Variants in OTUD7B observed in about 807,000 individuals in gnomAD.
OTUD7B encodes the protein OTU deubiquitinase 7B.
OTUD7B carries 34 observed loss-of-function variants against 82.2 expected under a neutral mutation model. The ratio of observed to expected loss-of-function variants is 0.41; its 90% CI spans 0.31 to 0.55. OTUD7B has a LOEUF of 0.55. Among genes scored for constraint, OTUD7B ranks in the 20% least tolerant of loss-of-function variants. OTUD7B has a pLI of 0.20. For missense variants in OTUD7B, 944 were observed against 1,062.1 expected, an observed-to-expected ratio of 0.89 and a Z score of 1.55; for synonymous variants, 398 against 402.7, an observed-to-expected ratio of 0.99 and a Z score of 0.14.
At position 149,942,097 on chromosome 1, in the gene OTUD7B, C is replaced by T. The variant is rs1647297835; in HGVS notation, c.*1760G>A. The T allele has an allele frequency of 6.6e-6, 1 of 152,592 alleles. No homozygotes were observed. Among genetic ancestry groups the T allele is most frequent in the South Asian group, 2.1e-4 (1 of 4,834 alleles). The allele number at this position is 152,592 out of a possible 1,614,324, so 9.5% of individuals were successfully genotyped here. ...ACTGGCTACCGAGGAGGAAAACACA[C>T]ACACATATGCACGCACGCACATGCA... On this transcript the variant is annotated 3_prime_UTR_variant, in exon 12 of 12. Transcript: ENST00000581312.
At chr1:150,053,289 A>C in the OTUD7B span, among the ~76,000 whole-genome samples, 2 of 152,212 alleles carry the variant, frequency 1.3e-5, no homozygotes, top group African/African-American at 4.8e-5. Context: ...CATCTGACAA[A>C]GGTCTAATAT....
At chr1:149,951,142 C>T (rs1170460964) in intron 7 of OTUD7B, among the ~76,000 whole-genome samples, 1 of 151,956 alleles carries the variant, frequency 6.6e-6, no homozygotes, top group African/African-American at 2.4e-5. Context: ...ACCACCATGC[C>T]TGGCTAATTT....
intron 11 of OTUD7B, among the ~76,000 whole-genome samples, chr1:149,946,258 G>A (rs1553772065): frequency 6.6e-6 from 1 of 151,628 alleles, no homozygotes; most frequent in Non-Finnish European, 1.5e-5. Context: ...AGCTACTCGG[G>A]AGGCTGAGGC....
chr1:149,951,985 C>G (rs114599517), intron 7 of OTUD7B, among the ~76,000 whole-genome samples: 4 of 151,828 alleles, frequency 2.6e-5, no homozygotes, highest in Non-Finnish European at 4.4e-5. Flanking sequence ...CCTGCACTTT[C>G]AGGAATGCAC....
intron 1 of OTUD7B, among the ~76,000 whole-genome samples, 197 bp downstream of exon 1, chr1:150,010,251 G>A (rs1405758380): frequency 6.6e-6 from 1 of 152,116 alleles, no homozygotes. Context: ...CAGGTGAAAG[G>A]GAGGAGGAAA....
the OTUD7B span, among the ~76,000 whole-genome samples, chr1:150,026,426 T>C: frequency 6.6e-6 from 1 of 152,234 alleles, no homozygotes; most frequent in Non-Finnish European, 1.5e-5. Flanking sequence ...GAGAGAATGG[T>C]TCTCTCCTTC....
Position 149,949,710 on chromosome 1 carries a change from A to T in OTUD7B, c.1042T>A (p.Ser348Thr), listed in dbSNP as rs781968829. ...LEVPASQCHR[S>T]PLVLAYDQAH... The stretch of plus-strand genomic sequence containing the variant: ...TGATCATAGGCGAGCACCAGAGGGG[A>T]GCGGTGACACTGGCTGGCTGGGACC... The change falls in exon 9 of 12, where the codon TCC (serine) becomes ACC (threonine). Residue 348 changes from serine (S) to threonine (T), a missense_variant. Coordinates refer to ENST00000581312, the MANE Select transcript of OTUD7B (RefSeq NM_020205.4). 4 of 1,614,116 alleles carry T rather than the reference A, an allele frequency of 2.5e-6. No individual in the cohort carries two copies. The South Asian group carries it at 3.3e-5, about 13-fold the overall frequency.
At chr1:149,979,480 T>C (rs1269240305) in intron 1 of OTUD7B, among the ~76,000 whole-genome samples, 3 of 152,184 alleles carry the variant, frequency 2.0e-5, no homozygotes, top group African/African-American at 7.2e-5. Context: ...ACTCATAAGA[T>C]ACTTTCAAGG....
chr1:149,948,847 C>T, intron 10 of OTUD7B, 122 bp downstream of exon 10: 1 of 669,474 alleles, frequency 1.5e-6, no homozygotes. Flanking sequence ...TCCCCATCTT[C>T]CCAAAACTCA....
At chr1:150,051,194 A>C in the OTUD7B span, among the ~76,000 whole-genome samples, 2 of 133,950 alleles carry the variant, frequency 1.5e-5, no homozygotes, top group Non-Finnish European at 3.0e-5. Flanking sequence ...GCGCCATTGC[A>C]CTCCAACCTG....
At chr1:150,050,082 T>C in the OTUD7B span, among the ~76,000 whole-genome samples, 2 of 151,900 alleles carry the variant, frequency 1.3e-5, no homozygotes, top group Non-Finnish European at 2.9e-5. Flanking sequence ...AGGCATGGTG[T>C]TACGTGCCAG....
intron 2 of OTUD7B, among the ~76,000 whole-genome samples, chr1:149,975,052 C>G (rs1405554778): frequency 2.0e-5 from 3 of 152,066 alleles, no homozygotes; most frequent in Non-Finnish European, 4.4e-5. Context: ...CACTTTTGCA[C>G]CATTCTTACT....
At chr1:150,012,882 G>C (rs1653140720), upstream of OTUD7B, among the ~76,000 whole-genome samples, 1 of 152,072 alleles carries the variant, frequency 6.6e-6, no homozygotes, top group Non-Finnish European at 1.5e-5. Flanking sequence ...TGGTCAGCTG[G>C]GCTGGGAGCC....
At chr1:150,009,083 A>G (rs1257964815) in intron 1 of OTUD7B, among the ~76,000 whole-genome samples, 1 of 152,254 alleles carries the variant, frequency 6.6e-6, no homozygotes, top group Admixed American at 6.5e-5. Flanking sequence ...TTGAAAAACA[A>G]TGAAGACAAA....
rs587711028 is a variant in OTUD7B at position 149,998,744 on chromosome 1, T to C, written c.-67+11704A>G. 3.5e-4 allele frequency among the ~76,000 whole-genome samples: 54 copies of C among 152,360 alleles called. 1 individual carries two copies. The South Asian group carries it at 0.011, about 32-fold the overall frequency. On this transcript the variant is annotated intron_variant, in intron 1 of 11. Transcript: ENST00000581312. ...TTAATGACTTTGACTGTTTCTATAATATACTGGAAGCCTAACTTTTCAGAG... is the reference window on the plus strand; with the variant it reads ...TTAATGACTTTGACTGTTTCTATAACATACTGGAAGCCTAACTTTTCAGAG...
intron 11 of OTUD7B, among the ~76,000 whole-genome samples, chr1:149,947,049 T>C (rs1647811614): frequency 6.6e-6 from 1 of 152,144 alleles, no homozygotes; most frequent in East Asian, 1.9e-4. Context: ...CAAGACTCCA[T>C]CTCAAAAATA....
the OTUD7B span, among the ~76,000 whole-genome samples, chr1:150,058,220 TA>T: frequency 6.6e-6 from 1 of 152,246 alleles, no homozygotes; most frequent in Admixed American, 6.5e-5. Flanking sequence ...TGGAGCTAGT[TA>T]AAAACAAAGG....
intron 7 of OTUD7B, among the ~76,000 whole-genome samples, chr1:149,954,692 T>C (rs1219807570): frequency 2.0e-5 from 3 of 152,126 alleles, no homozygotes; most frequent in Non-Finnish European, 2.9e-5. Flanking sequence ...TTTTTATGGT[T>C]GGTATGCTAT....
intron 1 of OTUD7B, among the ~76,000 whole-genome samples, chr1:150,003,247 C>CG: frequency 1.0e-5 from 1 of 98,088 alleles, no homozygotes; most frequent in Non-Finnish European, 2.1e-5. Context: ...AAGACTCTGT[C>CG]TCAAAAAAAA....
Sources: allele counts gnomAD v4.1 joint callset (sites outside exome capture counted in the v4.1 genomes callset), GRCh38; gene constraint gnomAD v4.1.1; transcripts MANE v1.5; gene names NCBI Gene and HGNC (gene_info 2026-07-23, HGNC 2026-07-21).